The following BRD4 variants were observed in gnomAD, a reference collection of about 807,000 sequenced individuals.
BRD4 encodes bromodomain-containing protein 4.
Under a neutral mutation model 142.1 loss-of-function variants are expected in BRD4, and 16 were observed. The observed-to-expected ratio is 0.11, with a 90% CI of 0.08 to 0.17. BRD4 has a LOEUF of 0.17. Ranked by LOEUF, BRD4 falls within the 10% of genes least tolerant of loss-of-function variation. BRD4 has a pLI of 1.00. For synonymous variants in BRD4, 833 were observed against 707.5 expected, an observed-to-expected ratio of 1.18 and a Z score of -2.82; for missense variants, 1,424 against 1,810.9, an observed-to-expected ratio of 0.79 and a Z score of 3.88.
rs141322596 is a variant in BRD4, at chr19:15,243,935, C to T, written c.2581+296G>A. 2.8e-4 allele frequency among the ~76,000 whole-genome samples: 43 copies of T among 152,216 alleles called. 1 individual carries two copies. The highest frequency in any genetic ancestry group is 3.2e-3 in the Middle Eastern group (1 of 316). On this transcript the variant is annotated intron_variant, in intron 13 of 19. Transcript: ENST00000679869. The stretch of plus-strand genomic sequence containing the variant: ...AGGGGTCCCAGCTTTTCCCATCTAA[C>T]ATGACGCCTGGCCCAGCAGCAGAAA...
chr19:15,270,842 G>C (rs1599471477), intron 2 of BRD4, among the ~76,000 whole-genome samples: 1 of 152,088 alleles, frequency 6.6e-6, no homozygotes, highest in African/African-American at 2.4e-5. Flanking sequence ...CAAATGCCCT[G>C]AGACCACTCT....
intron 7 of BRD4, among the ~76,000 whole-genome samples, chr19:15,263,209 G>T (rs1226901639): frequency 6.6e-6 from 1 of 152,210 alleles, no homozygotes; most frequent in South Asian, 2.1e-4. Context: ...GGTGGAGGGG[G>T]CTTGCAGTGG....
intron 1 of BRD4, among the ~76,000 whole-genome samples, chr19:15,281,430 G>T (rs1444717732): frequency 6.6e-6 from 1 of 152,224 alleles, no homozygotes; most frequent in East Asian, 1.9e-4. Context: ...CAGGAGGCCA[G>T]GAAACTGGGC....
rs527616879 is a variant in BRD4 at position 15,270,005 on chromosome 19, A to G, written c.286-963T>C. Among the ~76,000 whole-genome samples the G allele has an allele frequency of 7.2e-5, 11 of 152,390 alleles. No individual in the cohort carries two copies. In the East Asian group the frequency reaches 1.3e-3, roughly 19 times the overall value. On this transcript the variant is annotated intron_variant, in intron 2 of 19. Coordinates refer to ENST00000679869, the MANE Select transcript of BRD4 (RefSeq NM_001379291.1). Reference sequence around the variant, plus strand: ...GCTGCACCCAGACAGCAAGTCCCCAATGACTAGACCAGCTCAGGCTGTTGG... The same window carrying G: ...GCTGCACCCAGACAGCAAGTCCCCAGTGACTAGACCAGCTCAGGCTGTTGG...
intron 1 of BRD4, among the ~76,000 whole-genome samples, chr19:15,277,151 G>A (rs1438432617): frequency 1.3e-5 from 2 of 152,212 alleles, no homozygotes; most frequent in African/African-American, 2.4e-5. Context: ...CATTCACCAC[G>A]TTAAGAGTTA....
At chr19:15,316,367 AT>A (rs1194844295) in intron 1 of BRD4, among the ~76,000 whole-genome samples, 28 of 151,982 alleles carry the variant, frequency 1.8e-4, no homozygotes, top group African/African-American at 6.8e-4. Flanking sequence ...GGAGCGGTGG[AT>A]CACCTGAGAT....
chr19:15,254,011 A>G (rs1224332141), intron 11 of BRD4, 141 bp downstream of exon 11: 4 of 758,200 alleles, frequency 5.3e-6, no homozygotes. Context: ...GACAGTTAAC[A>G]AAGAGACAGA....
intron 11 of BRD4, chr19:15,253,703 T>C: frequency 1.3e-6 from 2 of 1,598,340 alleles, no homozygotes; most frequent in Non-Finnish European, 1.7e-6. Flanking sequence ...CAGCGAAGCA[T>C]CTCCCTGAAG....
intron 7 of BRD4, 161 bp from the exon 8 acceptor site, chr19:15,257,334 C>G (rs1366724497): frequency 6.2e-6 from 4 of 649,956 alleles, no homozygotes; most frequent in South Asian, 4.0e-5. Flanking sequence ...GGGCAAGGGC[C>G]AGCCAAGGGC....
intron 1 of BRD4, among the ~76,000 whole-genome samples, chr19:15,305,467 C>T (rs1302499589): frequency 2.6e-5 from 4 of 152,214 alleles, no homozygotes; most frequent in Admixed American, 6.5e-5. Flanking sequence ...TCTTGGGTGA[C>T]AAGGTGCATC....
Position 15,256,934 on chromosome 19 carries a change from G to T in BRD4, c.1551+30C>A, listed in dbSNP as rs1326434468. On this transcript the variant is annotated intron_variant, in intron 8 of 19. Coordinates refer to ENST00000679869, the MANE Select transcript of BRD4 (RefSeq NM_001379291.1). ...GCCACCCTGGTCCACGGACTCTGGG[G>T]ATTAAGAATGGAGCCACCAATGCCC... The T allele has an allele frequency of 2.6e-6, 4 of 1,530,508 alleles. No individual in the cohort carries two copies. The Admixed American group carries it at 8.1e-5, about 31-fold the overall frequency. 94.8% of individuals were successfully genotyped at this position (1,530,508 alleles called of 1,614,324 possible).
chr19:15,261,344 G>A (rs2047469053), intron 7 of BRD4, among the ~76,000 whole-genome samples: 2 of 152,118 alleles, frequency 1.3e-5, no homozygotes, highest in South Asian at 2.1e-4. Flanking sequence ...TTAGCTGGGC[G>A]TGGTGGCGTG....
chr19:15,271,084 A>G (rs1004319292), intron 2 of BRD4, among the ~76,000 whole-genome samples: 1 of 151,900 alleles, frequency 6.6e-6, no homozygotes, highest in Non-Finnish European at 1.5e-5. Flanking sequence ...CTAACCAATC[A>G]CCCATACTTG....
At position 15,240,003 on chromosome 19, in the gene BRD4, G is replaced by A. The variant is rs1474361929; in HGVS notation, c.3189C>T (p.Pro1063=). 5 of 1,612,672 alleles carry A rather than the reference G, an allele frequency of 3.1e-6. No homozygotes were observed. In the Admixed American group the frequency reaches 5.0e-5, roughly 16 times the overall value. Reference sequence around the variant, plus strand: ...GGGGGGAATGTATCATAAGCGGGGAGGGGGCTTCGCGGAGGTGACCTAGGA... The same window carrying A: ...GGGGGGAATGTATCATAAGCGGGGAAGGGGCTTCGCGGAGGTGACCTAGGA... ...PYSTGHLREA[P]SPLMIHSPQM... Residue 1063 remains proline (P), a synonymous_variant, in exon 15 of 20, where the codon CCC becomes CCT. Coordinates refer to ENST00000679869, the MANE Select transcript of BRD4 (RefSeq NM_001379291.1).
At chr19:15,319,905 C>T (rs930360457) in intron 1 of BRD4, among the ~76,000 whole-genome samples, 3 of 152,118 alleles carry the variant, frequency 2.0e-5, no homozygotes, top group Admixed American at 1.3e-4. Flanking sequence ...CACTGCACTA[C>T]GGCCTGGGCA....
chr19:15,299,729 A>C (rs1183441187), intron 1 of BRD4, among the ~76,000 whole-genome samples: 3 of 152,108 alleles, frequency 2.0e-5, no homozygotes, highest in Non-Finnish European at 2.9e-5. Context: ...CTTTTCCCTA[A>C]GGCAAGTCTG....
intron 1 of BRD4, among the ~76,000 whole-genome samples, chr19:15,319,917 C>T (rs1378591647): frequency 1.3e-5 from 2 of 152,144 alleles, no homozygotes; most frequent in African/African-American, 4.8e-5. Flanking sequence ...GCCTGGGCAA[C>T]ACAGTGAGAC....
chr19:15,296,600 G>C (rs901395611), intron 1 of BRD4, among the ~76,000 whole-genome samples: 1 of 152,186 alleles, frequency 6.6e-6, no homozygotes, highest in Admixed American at 6.5e-5. Context: ...GTGGCGCGGA[G>C]AGTAAACTAT....
At chr19:15,257,428 T>A (rs1427224878) in intron 7 of BRD4, 2 of 531,586 alleles carry the variant, frequency 3.8e-6, no homozygotes, top group African/African-American at 3.8e-5. Flanking sequence ...ACTCACTCCC[T>A]GGAGGACACC....
Sources: allele counts gnomAD v4.1 joint callset (sites outside exome capture counted in the v4.1 genomes callset), GRCh38; gene constraint gnomAD v4.1.1; transcripts MANE v1.5; gene names NCBI Gene and HGNC (gene_info 2026-07-23, HGNC 2026-07-21).